DLGAP2: variants seen among roughly 807,000 people sequenced by gnomAD.
DLGAP2 encodes the protein disks large-associated protein 2.
DLGAP2 carries 26 observed loss-of-function variants against 100.3 expected under a neutral mutation model. That is an observed-to-expected ratio of 0.26 (90% CI 0.19 to 0.36). The LOEUF is 0.36. Among genes scored for constraint, DLGAP2 ranks in the 10% least tolerant of loss-of-function variants. DLGAP2 has a pLI of 1.00. For missense variants in DLGAP2, 1,858 were observed against 1,453.2 expected (o/e 1.28, Z -4.53); for synonymous variants, 886 against 630.1 (o/e 1.41, Z -6.08).
rs562994044 is a variant in DLGAP2, at chr8:1,273,069, C to T, written c.106+14186C>T. Among the ~76,000 whole-genome samples, 14 of 152,150 alleles carry T rather than the reference C, an allele frequency of 9.2e-5. No individual in the cohort carries two copies. In the East Asian group the frequency reaches 1.2e-3, roughly 13 times the overall value. Reference sequence around the variant, plus strand: ...TTGACCACTGGGGTTGATCCTGGTCCGGGTCCTGAATTTTTACCTCAGGCC... The same window carrying T: ...TTGACCACTGGGGTTGATCCTGGTCTGGGTCCTGAATTTTTACCTCAGGCC... On this transcript the variant is annotated intron_variant, in intron 3 of 14. Coordinates refer to ENST00000637795, the MANE Select transcript of DLGAP2 (RefSeq NM_001346810.2).
At chr8:1,235,097 GTGTC>G (rs1798617235) in intron 2 of DLGAP2, among the ~76,000 whole-genome samples, 1 of 23,128 alleles carries the variant, frequency 4.3e-5, no homozygotes. Flanking sequence ...ACATGGCGTC[GTGTC>G]TAGTTCTCTC....
At chr8:1,161,540 C>G (rs1010182642) in intron 2 of DLGAP2, among the ~76,000 whole-genome samples, 7 of 152,222 alleles carry the variant, frequency 4.6e-5, no homozygotes, top group Non-Finnish European at 5.9e-5. Flanking sequence ...TCCTAGCAGA[C>G]ACACACTCAC....
intron 2 of DLGAP2, among the ~76,000 whole-genome samples, chr8:1,028,070 G>A (rs1801862220): frequency 2.2e-5 from 3 of 135,312 alleles, no homozygotes; most frequent in African/African-American, 5.5e-5. Context: ...CAGGTGGGGT[G>A]CCAAGCGCCC....
chr8:1,105,854 A>C (rs1261511233), intron 2 of DLGAP2, among the ~76,000 whole-genome samples: 1 of 137,350 alleles, frequency 7.3e-6, no homozygotes, highest in Non-Finnish European at 1.6e-5. Flanking sequence ...TTTTCTACTG[A>C]GGGGGACCAT....
At position 1,645,303 on chromosome 8, in the gene DLGAP2, A is replaced by G. The variant is rs561583268; in HGVS notation, c.1810+12257A>G. ...AACCATTCTGTTTTTCACCTTCAGTACAGTGTTCCATGAATTCGAGGAGAT... is the reference window on the plus strand; with the variant it reads ...AACCATTCTGTTTTTCACCTTCAGTGCAGTGTTCCATGAATTCGAGGAGAT... On this transcript the variant is annotated intron_variant, in intron 8 of 14. Coordinates refer to ENST00000637795, the MANE Select transcript of DLGAP2 (RefSeq NM_001346810.2). Among the ~76,000 whole-genome samples the G allele has an allele frequency of 3.3e-5, 5 of 152,358 alleles. No individual in the cohort carries two copies. The East Asian group carries it at 7.7e-4, about 23-fold the overall frequency.
Position 1,668,478 on chromosome 8 carries a change from C to T in DLGAP2, c.1960C>T (p.Pro654Ser), listed in dbSNP as rs1022550687. Residue 654 changes from proline to serine, a missense_variant, in exon 9 of 15, where the codon CCC becomes TCC. Transcript: ENST00000637795. The stretch of plus-strand genomic sequence containing the variant: ...CCGCGCACAGAGGATGTCCCCGTGG[C>T]CCCAGGACAGCCGCGGCCTCTACAA... ...DSRAQRMSPW[P>S]QDSRGLYNST... The T allele has an allele frequency of 2.5e-6, 4 of 1,593,758 alleles. No individual in the cohort carries two copies. The highest frequency in any genetic ancestry group is 2.7e-5 in the African/African-American group (2 of 74,318).
At chr8:1,193,176 G>A (rs941854253) in intron 2 of DLGAP2, among the ~76,000 whole-genome samples, 1 of 152,074 alleles carries the variant, frequency 6.6e-6, no homozygotes, top group Non-Finnish European at 1.5e-5. Flanking sequence ...ATAATCCTTT[G>A]GGTATATAAC....
rs571888902 is a variant in DLGAP2, at chr8:1,424,850, A to G, written c.107-76516A>G. Among the ~76,000 whole-genome samples, 194 of 152,342 alleles carry G rather than the reference A, an allele frequency of 1.3e-3. 2 individuals are homozygous for G. The highest frequency in any genetic ancestry group is 4.5e-3 in the African/African-American group (187 of 41,582). On this transcript the variant is annotated intron_variant, in intron 3 of 14. Transcript: ENST00000637795. ...GAGGAGTTGGATACACAGACAGGTC[A>G]GAGGGAGGCTGCCAGCAGCTGGGGA...
chr8:1,010,536 A>G (rs1801251258), intron 2 of DLGAP2, among the ~76,000 whole-genome samples: 1 of 152,252 alleles, frequency 6.6e-6, no homozygotes, highest in African/African-American at 2.4e-5. Flanking sequence ...ACACATACAG[A>G]GTTCGGGCAG....
chr8:1,151,316 A>T (rs2129051550), intron 2 of DLGAP2, among the ~76,000 whole-genome samples: 1 of 152,340 alleles, frequency 6.6e-6, no homozygotes, highest in Middle Eastern at 3.4e-3. Flanking sequence ...TAAAAATGAA[A>T]AGAAGCTCCA....
chr8:1,025,043 T>C (rs1434299924), intron 2 of DLGAP2, among the ~76,000 whole-genome samples: 1 of 152,114 alleles, frequency 6.6e-6, no homozygotes, highest in Admixed American at 6.5e-5. Flanking sequence ...CTCCTGTGTG[T>C]GTGCATATGC....
intron 1 of DLGAP2, among the ~76,000 whole-genome samples, chr8:885,864 T>C (rs937554427): frequency 1.3e-5 from 2 of 152,196 alleles, no homozygotes; most frequent in Admixed American, 1.3e-4. Flanking sequence ...AAGTTTTCTT[T>C]TATTGTTGTG....
At chr8:1,250,869 T>A (rs1799024138) in intron 2 of DLGAP2, among the ~76,000 whole-genome samples, 1 of 152,204 alleles carries the variant, frequency 6.6e-6, no homozygotes, top group African/African-American at 2.4e-5. Context: ...AACGACGGGG[T>A]GACGCTCTGA....
intron 2 of DLGAP2, among the ~76,000 whole-genome samples, chr8:924,541 G>T (rs762874814): frequency 1.3e-5 from 2 of 152,028 alleles, no homozygotes; most frequent in Non-Finnish European, 2.9e-5. Flanking sequence ...CAGAAACTTC[G>T]GGAAGCTGGC....
At chr8:1,290,041 C>G (rs1487826381) in intron 3 of DLGAP2, among the ~76,000 whole-genome samples, 2 of 152,174 alleles carry the variant, frequency 1.3e-5, no homozygotes, top group Non-Finnish European at 2.9e-5. Flanking sequence ...AACCACTGTT[C>G]AGGGTCCCTG....
chr8:1,316,161 C>G lies in DLGAP2; in HGVS notation c.106+57278C>G, dbSNP rs1257568286. ...AGTGCAGCGTCTCCCCAACAGTGGT[C>G]TACACTCGAGAAACTCAGCAGCGTT... On this transcript the variant is annotated intron_variant, in intron 3 of 14. Transcript: ENST00000637795. 7.3e-5 allele frequency among the ~76,000 whole-genome samples: 9 copies of G among 122,932 alleles called. 1 individual carries two copies. Among genetic ancestry groups the G allele is most frequent in the African/African-American group, 1.2e-4 (4 of 33,954 alleles). The allele number at this position is 122,932 out of a possible 152,430, so 80.6% of individuals were successfully genotyped here.
chr8:1,695,896 G>A (rs1048601070), intron 13 of DLGAP2, among the ~76,000 whole-genome samples: 2 of 152,222 alleles, frequency 1.3e-5, no homozygotes, highest in African/African-American at 4.8e-5. Flanking sequence ...CCCAGCCGCT[G>A]GCCAGGGCCG....
chr8:1,339,391 A>G (rs1801368421), intron 3 of DLGAP2, among the ~76,000 whole-genome samples: 1 of 152,108 alleles, frequency 6.6e-6, no homozygotes, highest in African/African-American at 2.4e-5. Flanking sequence ...AGGACCCTGG[A>G]GGGAATGCAG....
intron 2 of DLGAP2, among the ~76,000 whole-genome samples, chr8:1,080,715 A>G (rs956491346): frequency 2.0e-5 from 3 of 152,176 alleles, no homozygotes; most frequent in South Asian, 2.1e-4. Context: ...CAGCTCATGC[A>G]TCTGGATCCT....
Sources: gnomAD v4.1 joint callset for allele counts (sites outside exome capture counted in the v4.1 genomes callset) on GRCh38, gnomAD v4.1.1 for gene constraint, MANE v1.5 for transcripts, NCBI Gene and HGNC (gene_info 2026-07-23, HGNC 2026-07-21) for gene names.